TSEN2: variants seen among roughly 807,000 people sequenced by gnomAD.
TSEN2 encodes tRNA-splicing endonuclease subunit Sen2.
TSEN2 carries 54 observed loss-of-function variants against 59.2 expected under a neutral mutation model. The observed-to-expected ratio is 0.91, with a 90% CI of 0.73 to 1.14. The LOEUF is 1.14. Among genes scored for constraint, TSEN2 ranks in the 50% most tolerant of loss-of-function variants. The pLI, the probability that TSEN2 is intolerant of heterozygous loss-of-function variation, is 0.00. For missense variants in TSEN2, 636 were observed against 576.2 expected (o/e 1.10, Z -1.06); for synonymous variants, 195 against 198.2 (o/e 0.98, Z 0.14).
At chr3:12,498,375 C>T (rs1197160071) in intron 4 of TSEN2, among the ~76,000 whole-genome samples, 2 of 152,164 alleles carry the variant, frequency 1.3e-5, no homozygotes, top group African/African-American at 4.8e-5. Context: ...ACTCAATCTG[C>T]ATTCAGATAT....
chr3:12,531,648 A>G lies in TSEN2; in HGVS notation c.1327A>G (p.Ile443Val). The change falls in exon 11 of 12, where the codon ATT becomes GTT. Residue 443 changes from isoleucine (I) to valine (V), a missense_variant. Coordinates refer to ENST00000284995, the MANE Select transcript of TSEN2 (RefSeq NM_025265.4). ...GGAGTCACCAGAATGTATGAAAAGG[A>G]TTAAAGTTCAGGTGGGTAAACTCAG... The part of the protein sequence containing the change: ...EMESPECMKR[I>V]KVQEVILSRW... 6.2e-7 allele frequency: 1 copy of G among 1,608,130 alleles called. No homozygotes were observed. Among genetic ancestry groups the G allele is most frequent in the Non-Finnish European group, 8.5e-7 (1 of 1,174,472 alleles).
chr3:12,520,368 G>C (rs1273070510), intron 8 of TSEN2, among the ~76,000 whole-genome samples: 3 of 152,126 alleles, frequency 2.0e-5, no homozygotes, highest in Non-Finnish European at 4.4e-5. Flanking sequence ...ATAGTTTCCA[G>C]GGCCAGTAAC....
chr3:12,526,626 G>A (rs1335473331), intron 8 of TSEN2, among the ~76,000 whole-genome samples: 1 of 152,144 alleles, frequency 6.6e-6, no homozygotes, highest in South Asian at 2.1e-4. Context: ...GACTGTAATT[G>A]TTACTAGCAT....
intron 4 of TSEN2, among the ~76,000 whole-genome samples, chr3:12,499,488 G>C (rs2054078024): frequency 6.6e-6 from 1 of 152,204 alleles, no homozygotes; most frequent in Non-Finnish European, 1.5e-5. Flanking sequence ...TAGCCAACAG[G>C]TGCTGACTGC....
exon 11 of TSEN2, chr3:12,539,216 C>A (rs1207439881): frequency 2.4e-6 from 1 of 415,932 alleles, no homozygotes; most frequent in Admixed American, 3.1e-5. Flanking sequence ...TCACTGCAAC[C>A]TCTGCCTGCT....
chr3:12,525,338 GAGTGATACCATAAGT>G (rs1448648817), intron 8 of TSEN2, among the ~76,000 whole-genome samples: 1 of 152,076 alleles, frequency 6.6e-6, no homozygotes, highest in Non-Finnish European at 1.5e-5. Flanking sequence ...GTCATTTGTG[GAGTGATACCATAAGT>G]AGTGATACCA....
At chr3:12,502,385 A>C (rs1164023964) in intron 4 of TSEN2, among the ~76,000 whole-genome samples, 1 of 152,068 alleles carries the variant, frequency 6.6e-6, no homozygotes, top group African/African-American at 2.4e-5. Context: ...AAATACAAAA[A>C]ATTAGCTGGG....
At chr3:12,532,552 A>G (rs1231186829) in intron 11 of TSEN2, 110 bp from the exon 12 acceptor site, 6 of 1,012,704 alleles carry the variant, frequency 5.9e-6, no homozygotes, top group Non-Finnish European at 9.3e-6. Context: ...GAACAGTATC[A>G]TCATTATATA....
At chr3:12,494,292 G>A (rs75480842) in intron 3 of TSEN2, among the ~76,000 whole-genome samples, 3,941 of 152,296 alleles carry the variant, frequency 0.026, 70 homozygotes, top group South Asian at 0.06. Flanking sequence ...ATGGGAGATC[G>A]CTAGGATATG....
At chr3:12,534,629 C>G (rs1003269602), downstream of TSEN2, among the ~76,000 whole-genome samples, 1 of 151,804 alleles carries the variant, frequency 6.6e-6, no homozygotes, top group African/African-American at 2.4e-5. Flanking sequence ...GGTGAAACCC[C>G]GTCTCTACTA....
At chr3:12,503,199 G>A (rs2054475610) in intron 4 of TSEN2, 63 bp from the exon 5 acceptor site, 5 of 1,598,468 alleles carry the variant, frequency 3.1e-6, no homozygotes, top group Admixed American at 1.7e-5. Flanking sequence ...TGTTTTATGT[G>A]CTTTGTTGTT....
intron 1 of TSEN2, among the ~76,000 whole-genome samples, chr3:12,486,703 T>A (rs2052650427): frequency 6.6e-6 from 1 of 152,180 alleles, no homozygotes; most frequent in Non-Finnish European, 1.5e-5. Context: ...TCCTGTCTTA[T>A]TAGCAGTCGC....
chr3:12,506,614 C>G, intron 6 of TSEN2: 1 of 865,042 alleles, frequency 1.2e-6, no homozygotes, highest in Non-Finnish European at 1.4e-6. Context: ...AAGTGGCCTT[C>G]CATAAACTGC....
In TSEN2 at chr3:12,531,621, A is replaced by G; in HGVS notation, c.1300A>G (p.Met434Val). Residue 434 changes from methionine (M) to valine (V), a missense_variant, in exon 11 of 12, where the codon ATG becomes GTG. Coordinates refer to ENST00000284995, the MANE Select transcript of TSEN2 (RefSeq NM_025265.4). ...ACCCTCTACTATGACTGACAAGGAA[A>G]TGGAGTCACCAGAATGTATGAAAAG... ...IKPSTMTDKE[M>V]ESPECMKRIK... 1.2e-6 allele frequency: 2 copies of G among 1,613,224 alleles called. No individual in the cohort carries two copies. Among genetic ancestry groups the G allele is most frequent in the South Asian group, 1.1e-5 (1 of 91,058 alleles).
chr3:12,527,595 C>CT (rs2057191570), intron 8 of TSEN2, among the ~76,000 whole-genome samples: 2 of 152,166 alleles, frequency 1.3e-5, no homozygotes, highest in South Asian at 4.1e-4. Context: ...CAGCTAACAG[C>CT]TTACAGATGT....
intron 10 of TSEN2, chr3:12,530,619 G>A: frequency 2.0e-6 from 2 of 985,464 alleles, no homozygotes; most frequent in Middle Eastern, 5.2e-4. Flanking sequence ...GCTGAGGCCA[G>A]AGGGTCTTGC....
upstream of TSEN2, among the ~76,000 whole-genome samples, chr3:12,482,731 GTT>G (rs2052223525): frequency 6.6e-6 from 1 of 152,098 alleles, no homozygotes; most frequent in South Asian, 2.1e-4. Context: ...CACTGGAACT[GTT>G]TTCTTATCAG....
chr3:12,492,379 G>A (rs1294215997), intron 3 of TSEN2, among the ~76,000 whole-genome samples, 162 bp downstream of exon 3: 1 of 152,202 alleles, frequency 6.6e-6, no homozygotes, highest in Non-Finnish European at 1.5e-5. Flanking sequence ...AAGCAAAAGG[G>A]TTATGATTGG....
chr3:12,492,320 T>C, intron 3 of TSEN2, 103 bp downstream of exon 3: 2 of 995,436 alleles, frequency 2.0e-6, no homozygotes, highest in Middle Eastern at 3.1e-4. Flanking sequence ...AGAAGTAACA[T>C]GTACACTGGC....
Sources: allele counts gnomAD v4.1 joint callset (sites outside exome capture counted in the v4.1 genomes callset), GRCh38; gene constraint gnomAD v4.1.1; transcripts MANE v1.5; gene names NCBI Gene and HGNC (gene_info 2026-07-23, HGNC 2026-07-21).